TMEM63A: variants seen among roughly 807,000 people sequenced by gnomAD.
TMEM63A encodes the protein transmembrane protein 63A.
In TMEM63A, 76 loss-of-function variants were observed where a neutral mutation model predicts 100.6. The observed-to-expected ratio is 0.76, with a 90% CI of 0.63 to 0.91. TMEM63A has a LOEUF of 0.91. Among genes scored for constraint, TMEM63A ranks in the 40% least tolerant of loss-of-function variants. TMEM63A has a pLI of 0.00. For synonymous variants in TMEM63A, 401 were observed against 401.1 expected (o/e 1.00, Z 0.00); for missense variants, 876 against 1,008.8 (o/e 0.87, Z 1.78).
intron 9 of TMEM63A, 149 bp from the exon 10 acceptor site, chr1:225,866,116 C>G (rs1010767168): frequency 2.7e-6 from 2 of 738,882 alleles, no homozygotes; most frequent in East Asian, 5.5e-5. Context: ...GGGGAGCCCC[C>G]AAAGCATGTC....
At chr1:225,874,723 C>T (rs539268817) in intron 3 of TMEM63A, among the ~76,000 whole-genome samples, 11 of 152,352 alleles carry the variant, frequency 7.2e-5, no homozygotes, top group African/African-American at 2.2e-4. Flanking sequence ...TCAGTGGCCC[C>T]GAGCAGGAGG....
downstream of TMEM63A, among the ~76,000 whole-genome samples, chr1:225,843,970 G>A (rs185507044): frequency 1.1e-4 from 17 of 152,292 alleles, no homozygotes; most frequent in Admixed American, 3.3e-4. Context: ...TTGGGAGGGC[G>A]TGCTCTGGGG....
chr1:225,854,403 G>A (rs1197885302), intron 18 of TMEM63A, among the ~76,000 whole-genome samples: 1 of 152,150 alleles, frequency 6.6e-6, no homozygotes, highest in Non-Finnish European at 1.5e-5. Flanking sequence ...GGATGAGGGC[G>A]GTTGTGATGG....
chr1:225,844,369 C>A, downstream of TMEM63A: 2 of 1,398,548 alleles, frequency 1.4e-6, no homozygotes, highest in Non-Finnish European at 2.0e-6. Flanking sequence ...GGATACCACA[C>A]ACGTTGCATG....
At position 225,850,806 on chromosome 1, in the gene TMEM63A, G is replaced by A. The variant is rs360062; in HGVS notation, c.1904-727C>T. Among the ~76,000 whole-genome samples, 554 of 152,134 alleles carry A rather than the reference G, an allele frequency of 3.6e-3. 4 individuals carry two copies. The highest frequency in any genetic ancestry group is 0.02 in the Middle Eastern group (6 of 294). On this transcript the variant is annotated intron_variant, in intron 20 of 24. Transcript: ENST00000366835. ...GGCTCACTGCAAGCTCCGCCTCCTG[G>A]GTTCATGCCATTCTTCTGCCTCAGC...
rs775295346 is a variant in TMEM63A, at chr1:225,853,691, T to A, written c.1735A>T (p.Ile579Phe). Residue 579 changes from isoleucine (I) to phenylalanine (F), a missense_variant, in exon 19 of 25, where the codon ATC becomes TTC. By Grantham distance (21) the Ile-to-Phe change is conservative. Coordinates refer to ENST00000366835, the MANE Select transcript of TMEM63A (RefSeq NM_014698.3). The surrounding 1 kb of genome is among the most constrained non-coding windows in gnomAD (Gnocchi z 4.0). ...GMELLRLPGL[I>F]LYTFRMIMAK... ...ATGATCATGCGGAAGGTATAGAGGA[T>A]GAGACCTGGCAGCCGCAGCAGCTCC... The A allele has an allele frequency of 2.9e-5, 46 of 1,588,072 alleles. No homozygotes were observed. The highest frequency in any genetic ancestry group is 3.9e-5 in the Non-Finnish European group (45 of 1,167,320).
chr1:225,849,403 G>A (rs1453296089), intron 21 of TMEM63A, among the ~76,000 whole-genome samples: 1 of 152,186 alleles, frequency 6.6e-6, no homozygotes, highest in Non-Finnish European at 1.5e-5. Context: ...CCCCAGGAGT[G>A]TCAGTTTTCT....
Position 225,847,045 on chromosome 1 carries a change from C to T in TMEM63A, c.2419G>A (p.Ala807Thr), listed in dbSNP as rs1023969223. The T allele has an allele frequency of 6.2e-7, 1 of 1,609,948 alleles. No homozygotes were observed. The highest frequency in any genetic ancestry group is 8.5e-7 in the Non-Finnish European group (1 of 1,178,216). Reference protein sequence around the residue: ...TGSVAAAPQEA With the variant: ...TGSVAAAPQET ...AGCCAGCAGCTCACCCAGCCTCAGG[C>T]CTCCTGGGGGGCAGCAGCCACACTG... is the stretch of plus-strand genomic sequence containing the variant. The change falls in exon 24 of 25, where the codon GCC (alanine) becomes ACC (threonine). Residue 807 changes from alanine to threonine, a missense_variant. Coordinates refer to ENST00000366835, the MANE Select transcript of TMEM63A (RefSeq NM_014698.3).
At chr1:225,857,613 AC>A (rs1669709531) in intron 15 of TMEM63A, among the ~76,000 whole-genome samples, 1 of 152,184 alleles carries the variant, frequency 6.6e-6, no homozygotes, top group Admixed American at 6.5e-5. Flanking sequence ...AAAAAAAAAA[AC>A]AAAACGCTGT....
chr1:225,862,364 A>G lies in TMEM63A; in HGVS notation c.952-13T>C. On this transcript the variant is annotated splice_polypyrimidine_tract_variant and intron_variant, in intron 12 of 24. Coordinates refer to ENST00000366835, the MANE Select transcript of TMEM63A (RefSeq NM_014698.3). The surrounding 1 kb of genome is among the most constrained non-coding windows in gnomAD (Gnocchi z 5.1). Reference sequence around the variant, plus strand: ...AGATGGCGTCTTCCTGCCACAAGACACATCCCATTGGGATGACGTGGCCCC... The same window carrying G: ...AGATGGCGTCTTCCTGCCACAAGACGCATCCCATTGGGATGACGTGGCCCC... 1 of 1,614,074 alleles carries G rather than the reference A, an allele frequency of 6.2e-7. No homozygotes were observed. The highest frequency in any genetic ancestry group is 8.5e-7 in the Non-Finnish European group (1 of 1,179,994).
chr1:225,849,139 A>G, intron 21 of TMEM63A, 127 bp from the exon 22 acceptor site: 1 of 719,592 alleles, frequency 1.4e-6, no homozygotes, highest in Non-Finnish European at 2.4e-6. Flanking sequence ...GCAGAAAATA[A>G]AGGTAAGGCC....
rs778934768 is a variant in TMEM63A, at chr1:225,874,245, C to A, written c.266+43G>T. ...ACTCACGCACATATACACACTCACACGTACGCACACGCATGCTCACAGCCT... is the reference window on the plus strand; with the variant it reads ...ACTCACGCACATATACACACTCACAAGTACGCACACGCATGCTCACAGCCT... On this transcript the variant is annotated intron_variant, in intron 4 of 24. Coordinates refer to ENST00000366835, the MANE Select transcript of TMEM63A (RefSeq NM_014698.3). 2.5e-6 allele frequency: 4 copies of A among 1,575,906 alleles called. No individual in the cohort carries two copies. The African/African-American group carries it at 4.1e-5, about 16-fold the overall frequency.
intron 14 of TMEM63A, 195 bp downstream of exon 14, chr1:225,860,665 G>A: frequency 2.1e-6 from 1 of 465,490 alleles, no homozygotes; most frequent in East Asian, 3.6e-5. Flanking sequence ...ATGCTAGGGA[G>A]GAACACTGGA....
intron 22 of TMEM63A, 88 bp from the exon 23 acceptor site, chr1:225,848,642 G>T: frequency 7.1e-7 from 1 of 1,399,914 alleles, no homozygotes. Flanking sequence ...ATTAACACCC[G>T]GAATAATAGT....
In TMEM63A at chr1:225,853,868, G is replaced by A. The variant is rs1051213574; in HGVS notation, c.1635-77C>T. ...GAGGAGGGGCCCCTAGGCTGGGCAG[G>A]AGCAGAAAGCCCCTGGGAGGGCTGT... is the stretch of plus-strand genomic sequence containing the variant. On this transcript the variant is annotated intron_variant, in intron 18 of 24. Transcript: ENST00000366835. This position sits in a 1 kb window ranked among gnomAD's most constrained non-coding sequence, Gnocchi z 4.0. 4.9e-6 allele frequency: 7 copies of A among 1,422,936 alleles called. No homozygotes were observed. Among genetic ancestry groups the A allele is most frequent in the South Asian group, 1.5e-5 (1 of 67,820 alleles). 88.1% of individuals were successfully genotyped at this position (1,422,936 alleles called of 1,614,324 possible). A position where few individuals can be genotyped will look rare whatever the true frequency, so the allele number is the denominator to read the frequency against.
In TMEM63A at chr1:225,866,514, C is replaced by G. The variant is rs1245349911; in HGVS notation, c.675+60G>C. On this transcript the variant is annotated intron_variant, in intron 9 of 24. Coordinates refer to ENST00000366835, the MANE Select transcript of TMEM63A (RefSeq NM_014698.3). Reference sequence around the variant, plus strand: ...CTGTGGCAGAGCCTGGGAGGCCCTTCCACTCCGACTCCCACCTGAGTCCCT... The same window carrying G: ...CTGTGGCAGAGCCTGGGAGGCCCTTGCACTCCGACTCCCACCTGAGTCCCT... 7 of 1,497,814 alleles carry G rather than the reference C, an allele frequency of 4.7e-6. No individual in the cohort carries two copies. The African/African-American group carries it at 5.5e-5, about 12-fold the overall frequency. The allele number at this position is 1,497,814 out of a possible 1,614,324, so 92.8% of individuals were successfully genotyped here.
At chr1:225,845,177 G>A, downstream of TMEM63A, 1 of 1,614,158 alleles carries the variant, frequency 6.2e-7, no homozygotes, top group South Asian at 1.1e-5. Context: ...TGGCTTCTCT[G>A]CCTTCCCTTT....
chr1:225,861,256 C>T, intron 13 of TMEM63A: 2 of 317,782 alleles, frequency 6.3e-6, no homozygotes, highest in Non-Finnish European at 1.2e-5. Context: ...GGGCAACACA[C>T]TGCTCTTCCA....
intron 14 of TMEM63A, 189 bp from the exon 15 acceptor site, chr1:225,859,538 G>T: frequency 1.5e-6 from 1 of 682,254 alleles, no homozygotes; most frequent in Non-Finnish European, 2.4e-6. Context: ...TATTCTCTCA[G>T]ATGTGGCTCC....
Sources: allele counts gnomAD v4.1 joint callset (sites outside exome capture counted in the v4.1 genomes callset), GRCh38; gene constraint gnomAD v4.1.1; non-coding constraint Gnocchi (gnomAD v3.1); transcripts MANE v1.5; gene names NCBI Gene and HGNC (gene_info 2026-07-23, HGNC 2026-07-21).